ZFP2: variants seen among roughly 807,000 people sequenced by gnomAD.
ZFP2 encodes the protein zinc finger protein ZFP2.
Under a neutral mutation model 36.1 loss-of-function variants are expected in ZFP2, and 33 were observed. The observed-to-expected ratio is 0.92, with a 90% CI of 0.69 to 1.22. ZFP2 has a LOEUF of 1.22. ZFP2 is among the 50% of genes most tolerant of loss of function. The pLI, the probability that ZFP2 is intolerant of heterozygous loss-of-function variation, is 0.00. For missense variants in ZFP2, 522 were observed against 551.4 expected, an observed-to-expected ratio of 0.95 and a Z score of 0.53; for synonymous variants, 170 against 178.0, an observed-to-expected ratio of 0.96 and a Z score of 0.36.
intron 3 of ZFP2, among the ~76,000 whole-genome samples, chr5:178,915,980 T>G (rs1758422958): frequency 6.6e-6 from 1 of 152,242 alleles, no homozygotes; most frequent in Non-Finnish European, 1.5e-5. Context: ...AATATAAATT[T>G]GAATTTATGA....
chr5:178,898,925 C>G (rs1757992355), intron 1 of ZFP2, among the ~76,000 whole-genome samples: 1 of 152,148 alleles, frequency 6.6e-6, no homozygotes, highest in African/African-American at 2.4e-5. Context: ...GCTTATAGGG[C>G]TTATGGGCTC....
At chr5:178,904,438 G>T (rs1758124676) in intron 1 of ZFP2, among the ~76,000 whole-genome samples, 1 of 152,040 alleles carries the variant, frequency 6.6e-6, no homozygotes, top group African/African-American at 2.4e-5. Context: ...TCAGGAGATG[G>T]CATTGGAGCT....
chr5:178,922,021 C>T, intron 4 of ZFP2: 1 of 687,470 alleles, frequency 1.5e-6, no homozygotes, highest in Non-Finnish European at 2.7e-6. Flanking sequence ...TTTAAAGCTC[C>T]TTCCGCAGGC....
Position 178,912,660 on chromosome 5 carries a change from A to G in ZFP2, c.-373A>G, listed in dbSNP as rs1299474142. ...GAGTGGATTCAAGCAGATTCTGCTC[A>G]GAGGATGACCGTGTATGGGGAGGTG... On this transcript the variant is annotated 5_prime_UTR_variant, in exon 2 of 5. Coordinates refer to ENST00000361362, the MANE Select transcript of ZFP2 (RefSeq NM_030613.4). The G allele has an allele frequency of 8.5e-6, 9 of 1,061,416 alleles. No individual in the cohort carries two copies. Among genetic ancestry groups the G allele is most frequent in the Non-Finnish European group, 1.0e-5 (9 of 862,746 alleles). 65.7% of individuals were successfully genotyped at this position (1,061,416 alleles called of 1,614,324 possible).
At chr5:178,897,304 T>A (rs973012977) in intron 1 of ZFP2, among the ~76,000 whole-genome samples, 1 of 152,134 alleles carries the variant, frequency 6.6e-6, no homozygotes, top group African/African-American at 2.4e-5. Context: ...TAGGATTGTT[T>A]ACATTTGCAT....
intron 1 of ZFP2, among the ~76,000 whole-genome samples, chr5:178,902,280 T>G (rs188300692): frequency 3.9e-5 from 6 of 152,352 alleles, no homozygotes; most frequent in African/African-American, 1.4e-4. Flanking sequence ...CATTTCACTC[T>G]AAGTGTCCGT....
intron 1 of ZFP2, chr5:178,910,439 G>A (rs1445122021): frequency 1.3e-6 from 1 of 752,878 alleles, no homozygotes; most frequent in Non-Finnish European, 2.4e-6. Flanking sequence ...GGCCTTCTTG[G>A]TCCCATTGAC....
At chr5:178,919,367 G>A (rs900168498) in intron 4 of ZFP2, among the ~76,000 whole-genome samples, 1 of 152,146 alleles carries the variant, frequency 6.6e-6, no homozygotes, top group African/African-American at 2.4e-5. Flanking sequence ...AAAACATTAA[G>A]AGTTCTGGCT....
chr5:178,908,348 G>A (rs1398174744), intron 1 of ZFP2, among the ~76,000 whole-genome samples: 3 of 151,660 alleles, frequency 2.0e-5, no homozygotes, highest in Non-Finnish European at 4.4e-5. Context: ...TCAGGAGGCC[G>A]AGGCAGGAGA....
At chr5:178,922,697 G>T in intron 4 of ZFP2, 1 of 1,583,406 alleles carries the variant, frequency 6.3e-7, no homozygotes, top group Non-Finnish European at 8.6e-7. Context: ...GGAATAGAAA[G>T]CAACTTACAT....
rs33974182 is a variant in ZFP2 at position 178,927,663 on chromosome 5, ATGTGTGTGTGTGTGTG to A, written c.-77-3540_-77-3525del. On this transcript the variant is annotated intron_variant, in intron 4 of 4. Transcript: ENST00000361362. Reference sequence around the variant, plus strand: ...AGGTGCACACCATCATACCTGGCCAATGTGTGTGTGTGTGTGTGTGTGTGTGTGTGTGTGTGTGTGT... The same window carrying A: ...AGGTGCACACCATCATACCTGGCCAATGTGTGTGTGTGTGTGTGTGTGTGT... 8.8e-3 allele frequency among the ~76,000 whole-genome samples: 814 copies of A among 92,566 alleles called. 9 individuals carry two copies. The highest frequency in any genetic ancestry group is 0.027 in the African/African-American group (771 of 28,160). The allele number at this position is 92,566 out of a possible 152,430, so 60.7% of individuals were successfully genotyped here.
chr5:178,902,408 A>C (rs551961976), intron 1 of ZFP2, among the ~76,000 whole-genome samples: 48 of 152,304 alleles, frequency 3.2e-4, no homozygotes, highest in African/African-American at 1.2e-3. Context: ...CACCTGTCCT[A>C]CAACTGTCCT....
chr5:178,907,768 A>G (rs1319315519), intron 1 of ZFP2, among the ~76,000 whole-genome samples: 2 of 152,230 alleles, frequency 1.3e-5, no homozygotes, highest in Non-Finnish European at 2.9e-5. Context: ...AATTATTTCC[A>G]CTTACAACAT....
At chr5:178,920,717 G>T (rs6894362) in intron 4 of ZFP2, among the ~76,000 whole-genome samples, 1,686 of 152,156 alleles carry the variant, frequency 0.011, 28 homozygotes, top group African/African-American at 0.039. Context: ...TCTTTGCTGA[G>T]ATTTTATTTC....
intron 1 of ZFP2, chr5:178,910,270 C>T: frequency 6.8e-7 from 1 of 1,475,742 alleles, no homozygotes; most frequent in Non-Finnish European, 9.5e-7. Context: ...ACACATAGGT[C>T]ATTGCAAAAG....
intron 3 of ZFP2, among the ~76,000 whole-genome samples, chr5:178,913,530 T>A (rs777744658): frequency 4.6e-5 from 7 of 152,236 alleles, no homozygotes; most frequent in Non-Finnish European, 4.4e-5. Context: ...TTTCTCTTCC[T>A]CTGCATTGTG....
intron 4 of ZFP2, among the ~76,000 whole-genome samples, chr5:178,926,762 T>C (rs111586763): frequency 0.084 from 12,814 of 152,020 alleles, 681 homozygotes; most frequent in Non-Finnish European, 0.12. Flanking sequence ...TGGTGATCCG[T>C]CCACCTCGGC....
rs1477794854 is a variant in ZFP2, at chr5:178,912,982, G to A, written c.-313G>A. On this transcript the variant is annotated splice_region_variant and 5_prime_UTR_variant, in exon 3 of 5. Transcript: ENST00000361362. ...ATTTAATGTCTCTCCTCTTAAGCAG[G>A]AAATCACCTTTCCAAACCCAATGGG... is the stretch of plus-strand genomic sequence containing the variant. 2 of 985,858 alleles carry A rather than the reference G, an allele frequency of 2.0e-6. No homozygotes were observed. 61.1% of individuals were successfully genotyped at this position (985,858 alleles called of 1,614,324 possible).
intron 1 of ZFP2, chr5:178,910,422 C>T (rs1473940783): frequency 8.7e-6 from 7 of 800,610 alleles, no homozygotes; most frequent in Non-Finnish European, 1.6e-5. Flanking sequence ...TGGCAGCTGG[C>T]AGCCTCGGCC....
Sources: allele counts gnomAD v4.1 joint callset (sites outside exome capture counted in the v4.1 genomes callset), GRCh38; gene constraint gnomAD v4.1.1; transcripts MANE v1.5; gene names NCBI Gene and HGNC (gene_info 2026-07-23, HGNC 2026-07-21).